Variants in BRD10 observed in about 807,000 individuals in gnomAD.
BRD10 encodes bromodomain containing 10.
At chr9:5,991,351 G>A in the BRD10 span, among the ~76,000 whole-genome samples, 2 of 152,068 alleles carry the variant, frequency 1.3e-5, no homozygotes, top group African/African-American at 4.8e-5. Context: ...TACTGCAGTT[G>A]CTTTGTGACA....
chr9:5,940,468 C>T, the BRD10 span, among the ~76,000 whole-genome samples: 1 of 152,180 alleles, frequency 6.6e-6, no homozygotes, highest in Non-Finnish European at 1.5e-5. Context: ...GCTGGGATTA[C>T]AGGCGTGAGC....
chr9:6,007,446 C>A, the BRD10 span: 1 of 1,607,502 alleles, frequency 6.2e-7, no homozygotes, highest in Admixed American at 1.7e-5. Context: ...CTTCCGCCAC[C>A]TCCTCCTCCG....
the BRD10 span, among the ~76,000 whole-genome samples, chr9:6,001,341 G>C: frequency 3.6e-3 from 534 of 148,790 alleles, 3 homozygotes; most frequent in African/African-American, 0.012. Flanking sequence ...ACCTGTGATG[G>C]ATCTACACTG....
the BRD10 span, among the ~76,000 whole-genome samples, chr9:5,930,981 G>T: frequency 6.6e-6 from 1 of 152,122 alleles, no homozygotes; most frequent in South Asian, 2.1e-4. Flanking sequence ...GCTTCAAGAA[G>T]TCAAATGGTC....
chr9:5,964,753 G>T, the BRD10 span, among the ~76,000 whole-genome samples: 2 of 134,338 alleles, frequency 1.5e-5, no homozygotes, highest in East Asian at 2.1e-4. Context: ...CATGTCCTTT[G>T]TAGGGACATG....
the BRD10 span, chr9:5,914,100 T>C: frequency 1.4e-5 from 6 of 442,996 alleles, no homozygotes; most frequent in East Asian, 7.3e-5. Context: ...ATAGACAAAG[T>C]TGACTAAAGC....
chr9:5,911,817 G>A, the BRD10 span, among the ~76,000 whole-genome samples: 8 of 152,110 alleles, frequency 5.3e-5, no homozygotes, highest in East Asian at 1.9e-4. Flanking sequence ...TTACAGGCAC[G>A]AGCCACCACG....
At chr9:5,920,961 G>A in the BRD10 span, 50 of 1,613,828 alleles carry the variant, frequency 3.1e-5, no homozygotes, top group African/African-American at 4.1e-4. Flanking sequence ...ACTAAAACAG[G>A]AGGTTGTGCC....
At chr9:5,957,135 T>A in the BRD10 span, among the ~76,000 whole-genome samples, 1 of 152,136 alleles carries the variant, frequency 6.6e-6, no homozygotes, top group East Asian at 1.9e-4. Flanking sequence ...ATTGAGAACC[T>A]GCTGTGTGTC....
At chr9:5,988,250 G>T in the BRD10 span, 1 of 784,972 alleles carries the variant, frequency 1.3e-6, no homozygotes, top group Non-Finnish European at 2.1e-6. Flanking sequence ...TTGTAACAAT[G>T]CATTTTAGAA....
At chr9:5,940,761 G>A in the BRD10 span, among the ~76,000 whole-genome samples, 2 of 152,006 alleles carry the variant, frequency 1.3e-5, no homozygotes, top group South Asian at 2.1e-4. Context: ...GCAAACAGGC[G>A]GTTGTGCTCA....
chr9:5,936,896 AAATT>A, the BRD10 span, among the ~76,000 whole-genome samples: 1 of 152,212 alleles, frequency 6.6e-6, no homozygotes, highest in African/African-American at 2.4e-5. Flanking sequence ...TTTGACATTT[AAATT>A]ACTTATATTT....
At chr9:5,895,185 C>G in the BRD10 span, among the ~76,000 whole-genome samples, 1 of 152,302 alleles carries the variant, frequency 6.6e-6, no homozygotes, top group South Asian at 2.1e-4. Context: ...AAACACTTAA[C>G]TTCAGTCTGT....
chr9:5,880,514 A>G, the BRD10 span, among the ~76,000 whole-genome samples: 3 of 151,974 alleles, frequency 2.0e-5, no homozygotes, highest in African/African-American at 7.3e-5. Context: ...ACTCTGTCTC[A>G]AACAAACAAA....
the BRD10 span, among the ~76,000 whole-genome samples, chr9:5,892,180 A>G: frequency 2.0e-5 from 3 of 152,198 alleles, no homozygotes; most frequent in Non-Finnish European, 2.9e-5. Context: ...ACCAAATAAT[A>G]ACTCAACTTG....
chr9:5,903,357 G>A, the BRD10 span, among the ~76,000 whole-genome samples: 1 of 152,102 alleles, frequency 6.6e-6, no homozygotes, highest in Admixed American at 6.5e-5. Context: ...ATTTTGTTGA[G>A]TTCCACTCTG....
chr9:5,886,189 A>C, the BRD10 span, among the ~76,000 whole-genome samples: 8 of 152,348 alleles, frequency 5.3e-5, no homozygotes, highest in East Asian at 1.5e-3. Flanking sequence ...GGATGAGTCA[A>C]GAGGATTCTG....
chr9:5,920,803 C>T, the BRD10 span: 3 of 1,613,952 alleles, frequency 1.9e-6, 1 homozygote, highest in South Asian at 3.3e-5. Context: ...ATTTAGGAGA[C>T]ACTACTGGTT....
At chr9:5,940,627 A>AT in the BRD10 span, among the ~76,000 whole-genome samples, 1 of 152,118 alleles carries the variant, frequency 6.6e-6, no homozygotes, top group Non-Finnish European at 1.5e-5. Context: ...GGACATATGG[A>AT]TTTTTTCCAA....
Sources: allele counts gnomAD v4.1 joint callset (sites outside exome capture counted in the v4.1 genomes callset), GRCh38; gene constraint gnomAD v4.1.1; transcripts MANE v1.5; gene names NCBI Gene and HGNC (gene_info 2026-07-23, HGNC 2026-07-21).